Variants in PLEKHA6 observed in about 807,000 individuals in gnomAD.
PLEKHA6 encodes the protein pleckstrin homology domain containing A6, also known as pleckstrin homology domain-containing family A member 6.
A neutral mutation model predicts 116.7 loss-of-function variants in PLEKHA6; 60 were observed. That is an observed-to-expected ratio of 0.51 (90% CI 0.42 to 0.64). The LOEUF (loss-of-function observed/expected upper bound fraction) is 0.64. Ranked by LOEUF, PLEKHA6 falls within the 30% of genes least tolerant of loss-of-function variation. PLEKHA6 has a pLI of 0.00. For synonymous variants in PLEKHA6, 489 were observed against 556.1 expected (o/e 0.88, Z 1.70); for missense variants, 1,338 against 1,422.7 (o/e 0.94, Z 0.96).
At position 204,259,716 on chromosome 1, in the gene PLEKHA6, G is replaced by A. The variant is rs1037591419; in HGVS notation, c.549C>T (p.Asn183=). The change falls in exon 8 of 23, where the codon AAC becomes AAT. Residue 183 remains asparagine (N), a synonymous_variant. Transcript: ENST00000272203. This position sits in a 1 kb window ranked among gnomAD's most constrained non-coding sequence, Gnocchi z 4.6. ...GCTGGTGGTGCTTGCTGGGTGGGAC[G>A]TTCTCCGAGTCTGGCTTCTCATGGC... ...RHSHEKPDSE[N]VPPSKHHQQP... 7.4e-6 allele frequency: 12 copies of A among 1,611,720 alleles called. No individual in the cohort carries two copies. The highest frequency in any genetic ancestry group is 6.8e-6 in the Non-Finnish European group (8 of 1,178,554).
Position 204,259,262 on chromosome 1 carries a change from G to A in PLEKHA6, c.1003C>T (p.Arg335Trp), listed in dbSNP as rs745311178. ...RRGVPPPEDL[R>W]SPSRFYPVSR... is the part of the protein sequence containing the mutation. Reference sequence around the variant, plus strand: ...CCAGCCGCCGGCATGCCTCACCTCCGAAGGTCTTCAGGCGGGGGTACCCCC... The same window carrying A: ...CCAGCCGCCGGCATGCCTCACCTCCAAAGGTCTTCAGGCGGGGGTACCCCC... Residue 335 changes from arginine (R) to tryptophan (W), a missense_variant, in exon 8 of 23, where the codon CGG (arginine) becomes TGG (tryptophan). By Grantham distance (101) the Arg-to-Trp change is moderately radical. Transcript: ENST00000272203. This position sits in a 1 kb window ranked among gnomAD's most constrained non-coding sequence, Gnocchi z 4.6. The A allele has an allele frequency of 2.0e-5, 33 of 1,613,170 alleles. 1 individual carries two copies. Among genetic ancestry groups the A allele is most frequent in the South Asian group, 1.1e-4 (10 of 91,058 alleles).
At position 204,259,865 on chromosome 1, in the gene PLEKHA6, C is replaced by T; in HGVS notation, c.525-125G>A. The T allele has an allele frequency of 1.0e-6, 1 of 973,254 alleles. No individual in the cohort carries two copies. 60.3% of individuals were successfully genotyped at this position (973,254 alleles called of 1,614,324 possible). A position where few individuals can be genotyped will look rare whatever the true frequency, so the allele number is the denominator to read the frequency against. ...CAGGGAGGTGGCTGGAACCAGGATT[C>T]TATGAACTCCAGTTCTGCTTCCTAA... On this transcript the variant is annotated intron_variant, in intron 7 of 22. Coordinates refer to ENST00000272203, the MANE Select transcript of PLEKHA6 (RefSeq NM_014935.5). The surrounding 1 kb of genome is among the most constrained non-coding windows in gnomAD (Gnocchi z 4.6).
At chr1:204,315,302 A>C (rs1485233746) in intron 1 of PLEKHA6, among the ~76,000 whole-genome samples, 4 of 151,870 alleles carry the variant, frequency 2.6e-5, no homozygotes, top group Non-Finnish European at 5.9e-5. Flanking sequence ...ATAAGGGTCC[A>C]CCTCCACGGT....
At chr1:204,274,603 T>C in intron 2 of PLEKHA6, 126 bp downstream of exon 2, 2 of 985,624 alleles carry the variant, frequency 2.0e-6, no homozygotes, top group Non-Finnish European at 2.4e-6. Flanking sequence ...CCGAGGTGAG[T>C]CACTGCAAAG....
chr1:204,260,238 T>C (rs1421368492), intron 7 of PLEKHA6, among the ~76,000 whole-genome samples: 2 of 152,310 alleles, frequency 1.3e-5, no homozygotes, highest in Admixed American at 6.5e-5. Flanking sequence ...GGGCTCCTCA[T>C]CAGCAGAATG....
chr1:204,259,304 A>G lies in PLEKHA6; in HGVS notation c.961T>C (p.Trp321Arg), dbSNP rs1240596579. 6.2e-7 allele frequency: 1 copy of G among 1,614,094 alleles called. No individual in the cohort carries two copies. The highest frequency in any genetic ancestry group is 8.5e-7 in the Non-Finnish European group (1 of 1,179,996). ...GGTACCCCCCGGCGCAGATTCACCCACTGCTGAAGCTGGTTCATGGAGCTC... is the reference window on the plus strand; with the variant it reads ...GGTACCCCCCGGCGCAGATTCACCCGCTGCTGAAGCTGGTTCATGGAGCTC... ...RKSSMNQLQQ[W>R]VNLRRGVPPP... Residue 321 changes from tryptophan (W) to arginine (R), a missense_variant, in exon 8 of 23, where the codon TGG becomes CGG. This residue lies in a region of PLEKHA6 where 1,136 missense variants were observed against 1,163.6 expected (regional missense o/e 0.98). Transcript: ENST00000272203. The surrounding 1 kb of genome is among the most constrained non-coding windows in gnomAD (Gnocchi z 4.6).
intron 8 of PLEKHA6, among the ~76,000 whole-genome samples, chr1:204,258,720 T>G (rs1010689615): frequency 6.6e-6 from 1 of 152,226 alleles, no homozygotes; most frequent in Non-Finnish European, 1.5e-5. Flanking sequence ...AAGTCAGTCA[T>G]TGGATAAAGG....
At chr1:204,286,053 C>T (rs1053877066) in intron 1 of PLEKHA6, among the ~76,000 whole-genome samples, 1 of 152,118 alleles carries the variant, frequency 6.6e-6, no homozygotes, top group African/African-American at 2.4e-5. Flanking sequence ...TCTTCCTTCC[C>T]TGCACCTCCC....
At chr1:204,256,814 G>C (rs145668220) in intron 9 of PLEKHA6, 68 of 652,590 alleles carry the variant, frequency 1.0e-4, no homozygotes, top group Middle Eastern at 4.8e-4. Flanking sequence ...TCTTATCGTG[G>C]ACCGTGGGGG....
Position 204,277,160 on chromosome 1 carries a change from G to A in PLEKHA6, c.-94-2351C>T, listed in dbSNP as rs1484747650. On this transcript the variant is annotated intron_variant, in intron 1 of 22. Coordinates refer to ENST00000272203, the MANE Select transcript of PLEKHA6 (RefSeq NM_014935.5). This position sits in a 1 kb window ranked among gnomAD's most constrained non-coding sequence, Gnocchi z 4.1. Reference sequence around the variant, plus strand: ...GTGGCAGAGATGCAGAGTGATTGGTGGCAGAGTCTCTAGCAGTTCTCCCTC... The same window carrying A: ...GTGGCAGAGATGCAGAGTGATTGGTAGCAGAGTCTCTAGCAGTTCTCCCTC... The A allele has an allele frequency of 6.6e-6, 1 of 152,664 alleles. No individual in the cohort carries two copies. The highest frequency in any genetic ancestry group is 1.9e-4 in the East Asian group (1 of 5,190). The allele number at this position is 152,664 out of a possible 1,614,324, so 9.5% of individuals were successfully genotyped here. A position where few individuals can be genotyped will look rare whatever the true frequency, so the allele number is the denominator to read the frequency against.
At chr1:204,225,306 T>C (rs1461548112) in intron 21 of PLEKHA6, among the ~76,000 whole-genome samples, 1 of 152,218 alleles carries the variant, frequency 6.6e-6, no homozygotes, top group Non-Finnish European at 1.5e-5. Flanking sequence ...AGAGGTCATA[T>C]GTAAACAGAA....
intron 1 of PLEKHA6, among the ~76,000 whole-genome samples, chr1:204,284,579 A>G (rs762011076): frequency 1.3e-5 from 2 of 152,132 alleles, no homozygotes; most frequent in Non-Finnish European, 2.9e-5. Flanking sequence ...CCAGAAAATG[A>G]CTGTGCCTAG....
chr1:204,281,960 C>T (rs1668667798), intron 1 of PLEKHA6, among the ~76,000 whole-genome samples: 1 of 152,138 alleles, frequency 6.6e-6, no homozygotes, highest in Non-Finnish European at 1.5e-5. Flanking sequence ...TCTACGTGAG[C>T]TCAGCTCCCA....
intron 1 of PLEKHA6, chr1:204,301,596 T>C (rs1043099083): frequency 5.8e-6 from 2 of 347,114 alleles, no homozygotes; most frequent in Non-Finnish European, 8.1e-6. Context: ...TCCCAGGGGA[T>C]AAATGACAGA....
intron 6 of PLEKHA6, among the ~76,000 whole-genome samples, chr1:204,264,096 T>C (rs569610493): frequency 4.3e-4 from 65 of 152,314 alleles, no homozygotes; most frequent in African/African-American, 1.4e-3. Flanking sequence ...TGAAGGGTCT[T>C]GGACAGCAAT....
At chr1:204,358,356 G>C (rs1322355343) in intron 1 of PLEKHA6, among the ~76,000 whole-genome samples, 1 of 152,198 alleles carries the variant, frequency 6.6e-6, no homozygotes, top group East Asian at 1.9e-4. Context: ...TCCACCAGCA[G>C]GGTCTGCTCA....
At chr1:204,340,586 A>T (rs1452266855) in intron 1 of PLEKHA6, among the ~76,000 whole-genome samples, 3 of 152,172 alleles carry the variant, frequency 2.0e-5, no homozygotes, top group African/African-American at 7.2e-5. Context: ...TCTTGCCTCA[A>T]ATGAGCCAAG....
chr1:204,293,577 A>C (rs1292835181), intron 1 of PLEKHA6, among the ~76,000 whole-genome samples: 2 of 152,382 alleles, frequency 1.3e-5, no homozygotes, highest in African/African-American at 4.8e-5. Context: ...AATTTGGCTT[A>C]AAGTGGCACT....
At chr1:204,250,475 A>G in intron 10 of PLEKHA6, 71 bp downstream of exon 10, 1 of 1,022,572 alleles carries the variant, frequency 9.8e-7, no homozygotes, top group Non-Finnish European at 1.5e-6. Context: ...ATGGATGGAG[A>G]GACAGCCCCC....
Sources: gnomAD v4.1 joint callset for allele counts (sites outside exome capture counted in the v4.1 genomes callset) on GRCh38, gnomAD v4.1.1 for gene constraint, gnomAD v4.1.1 regional missense constraint, Gnocchi (gnomAD v3.1) non-coding constraint, MANE v1.5 for transcripts, NCBI Gene and HGNC (gene_info 2026-07-23, HGNC 2026-07-21) for gene names.